The following DLGAP5 variants were observed in gnomAD, a reference collection of about 807,000 sequenced individuals.
DLGAP5 encodes the protein DLG associated protein 5, also known as disks large-associated protein 5.
DLGAP5 carries 90 observed loss-of-function variants against 99.6 expected under a neutral mutation model. The observed-to-expected ratio is 0.90, with a 90% CI of 0.76 to 1.08. The LOEUF (loss-of-function observed/expected upper bound fraction) is 1.08. Ranked by LOEUF, DLGAP5 falls within the 50% of genes least tolerant of loss-of-function variation. The pLI, the probability that DLGAP5 is intolerant of heterozygous loss-of-function variation, is 0.00. For missense variants in DLGAP5, 1,036 were observed against 983.5 expected, an observed-to-expected ratio of 1.05 and a Z score of -0.71; for synonymous variants, 311 against 321.3, an observed-to-expected ratio of 0.97 and a Z score of 0.34.
chr14:55,176,744 C>T (rs928018862), intron 8 of DLGAP5, among the ~76,000 whole-genome samples: 9 of 151,580 alleles, frequency 5.9e-5, no homozygotes, highest in African/African-American at 2.2e-4. Flanking sequence ...TTTGGGAGGC[C>T]GAGGCGGGCG....
chr14:55,153,672 G>A (rs993515852), intron 15 of DLGAP5, among the ~76,000 whole-genome samples: 2 of 152,134 alleles, frequency 1.3e-5, no homozygotes, highest in Non-Finnish European at 2.9e-5. Flanking sequence ...TGCCCTTTGA[G>A]GATGTTTTGG....
chr14:55,151,467 T>A (rs1882016125), intron 17 of DLGAP5, among the ~76,000 whole-genome samples: 1 of 151,436 alleles, frequency 6.6e-6, no homozygotes, highest in Non-Finnish European at 1.5e-5. Context: ...GAGGTTGCAG[T>A]GAGCTGAGAT....
intron 12 of DLGAP5, among the ~76,000 whole-genome samples, chr14:55,168,078 G>T (rs1882709426): frequency 6.6e-6 from 1 of 151,602 alleles, no homozygotes; most frequent in African/African-American, 2.4e-5. Context: ...AATCTCTTCT[G>T]TCTTACAGCT....
At chr14:55,169,253 T>TTTA in intron 12 of DLGAP5, 146 bp downstream of exon 12, 1 of 442,822 alleles carries the variant, frequency 2.3e-6, no homozygotes, top group Non-Finnish European at 3.8e-6. Context: ...TAGATCATGT[T>TTTA]TTACAGTTTA....
rs181931242 is a variant in DLGAP5 at position 55,148,612 on chromosome 14, G to T, written c.2419-139C>A. The T allele has an allele frequency of 5.2e-6, 8 of 1,529,356 alleles. No homozygotes were observed. The East Asian group carries it at 2.0e-4, about 38-fold the overall frequency. 94.7% of individuals were successfully genotyped at this position (1,529,356 alleles called of 1,614,324 possible). ...TGCACACCTGTAGTCCCAGCTACTC[G>T]GGAGGCTGAGGTGGTAGGATCACTT... On this transcript the variant is annotated intron_variant, in intron 18 of 18. Coordinates refer to ENST00000247191, the MANE Select transcript of DLGAP5 (RefSeq NM_014750.5).
intron 14 of DLGAP5, among the ~76,000 whole-genome samples, chr14:55,157,774 T>G (rs919945456): frequency 5.9e-5 from 9 of 152,244 alleles, no homozygotes; most frequent in African/African-American, 2.2e-4. Context: ...CTTCCTTTTA[T>G]TTTTTAGAGA....
At chr14:55,181,435 A>T in intron 4 of DLGAP5, 138 bp from the exon 5 acceptor site, 1 of 592,322 alleles carries the variant, frequency 1.7e-6, no homozygotes, top group Non-Finnish European at 2.8e-6. Context: ...AACTACCCCA[A>T]ATAAAATGAG....
At chr14:55,181,676 C>T (rs1380848762) in intron 4 of DLGAP5, among the ~76,000 whole-genome samples, 1 of 152,164 alleles carries the variant, frequency 6.6e-6, no homozygotes, top group Non-Finnish European at 1.5e-5. Context: ...TTCTCCACTT[C>T]CATAATGACT....
chr14:55,172,981 CAAAAAAAAAAAAAA>C (rs71291818), intron 10 of DLGAP5, among the ~76,000 whole-genome samples: 3 of 62,094 alleles, frequency 4.8e-5, no homozygotes, highest in East Asian at 4.8e-4. Context: ...GACTCCGTCT[CAAAAAAAAAAAAAA>C]AAAAAAAAAG....
In DLGAP5 at chr14:55,180,795, T is replaced by A. The variant is rs760311358; in HGVS notation, c.581-17A>T. The A allele has an allele frequency of 1.7e-5, 28 of 1,613,352 alleles. No individual in the cohort carries two copies. The South Asian group carries it at 1.8e-4, about 10-fold the overall frequency. ...GCTGCACAACTGTGGGAAAAAAAAA[T>A]AACTACATCAAATGTCCCTTGTAGT... On this transcript the variant is annotated splice_polypyrimidine_tract_variant and intron_variant, in intron 5 of 18. Coordinates refer to ENST00000247191, the MANE Select transcript of DLGAP5 (RefSeq NM_014750.5).
In DLGAP5 at chr14:55,148,448, A is replaced by T. The variant is rs200947415; in HGVS notation, c.2444T>A (p.Phe815Tyr). The T allele has an allele frequency of 5.0e-6, 8 of 1,614,192 alleles. No homozygotes were observed. Among genetic ancestry groups the T allele is most frequent in the Non-Finnish European group, 5.9e-6 (7 of 1,180,020 alleles). The part of the protein sequence containing the change: ...DSPGLNCSNP[F>Y]TQLERRHQEH... ...TTGATGTCTCCTCTCCAGCTGAGTA[A>T]ATGGATTACTGCAGTTTAGACCTGG... Residue 815 changes from phenylalanine (F) to tyrosine (Y), a missense_variant, in exon 19 of 19, where the codon TTT (phenylalanine) becomes TAT (tyrosine). Coordinates refer to ENST00000247191, the MANE Select transcript of DLGAP5 (RefSeq NM_014750.5).
intron 10 of DLGAP5, among the ~76,000 whole-genome samples, chr14:55,172,482 A>T (rs114732546): frequency 0.019 from 2,823 of 151,936 alleles, 81 homozygotes; most frequent in African/African-American, 0.061. Context: ...TATTTTTTTT[A>T]AATACAAAAT....
chr14:55,157,846 T>C (rs1882267168), intron 14 of DLGAP5, among the ~76,000 whole-genome samples: 1 of 152,230 alleles, frequency 6.6e-6, no homozygotes, highest in Non-Finnish European at 1.5e-5. Flanking sequence ...CGCTGTAACC[T>C]TGAACTCCTG....
chr14:55,158,477 A>T (rs778125741), intron 14 of DLGAP5, 45 bp downstream of exon 14: 4 of 1,515,546 alleles, frequency 2.6e-6, no homozygotes, highest in Non-Finnish European at 9.0e-7. Context: ...TCTCTTAAGT[A>T]GTCTCAGGAA....
intron 10 of DLGAP5, among the ~76,000 whole-genome samples, chr14:55,173,095 T>TTAGCA (rs1328852793): frequency 6.6e-6 from 1 of 151,238 alleles, no homozygotes; most frequent in African/African-American, 2.4e-5. Context: ...ACACAATGGA[T>TTAGCA]TAGCTACCTC....
intron 12 of DLGAP5, among the ~76,000 whole-genome samples, chr14:55,164,988 C>T (rs1882588496): frequency 6.7e-6 from 1 of 149,348 alleles, no homozygotes; most frequent in Non-Finnish European, 1.5e-5. Context: ...CACTTCAAAA[C>T]ATGCCATTAA....
chr14:55,175,662 CTT>C (rs543572015), intron 9 of DLGAP5, among the ~76,000 whole-genome samples, 190 bp from the exon 10 acceptor site: 405 of 152,238 alleles, frequency 2.7e-3, no homozygotes, highest in African/African-American at 8.7e-3. Context: ...TATTTCCCCT[CTT>C]CTGTCTGTAT....
At chr14:55,174,566 G>C (rs1366853993) in intron 10 of DLGAP5, among the ~76,000 whole-genome samples, 1 of 152,058 alleles carries the variant, frequency 6.6e-6, no homozygotes, top group Non-Finnish European at 1.5e-5. Context: ...GTCTCCCCCG[G>C]ATGCCCAGCT....
At chr14:55,156,374 G>A (rs1322323339) in intron 14 of DLGAP5, among the ~76,000 whole-genome samples, 1 of 152,130 alleles carries the variant, frequency 6.6e-6, no homozygotes, top group Non-Finnish European at 1.5e-5. Flanking sequence ...TGGAAAATAA[G>A]GGAAATAAGT....
Sources: gnomAD v4.1 joint callset for allele counts (sites outside exome capture counted in the v4.1 genomes callset) on GRCh38, gnomAD v4.1.1 for gene constraint, MANE v1.5 for transcripts, NCBI Gene and HGNC (gene_info 2026-07-23, HGNC 2026-07-21) for gene names.